The following NBAS variants were observed in gnomAD, a reference collection of about 807,000 sequenced individuals.
NBAS encodes NBAS subunit of NRZ tethering complex.
Under a neutral mutation model 302.5 loss-of-function variants are expected in NBAS, and 219 were observed. The observed-to-expected ratio is 0.72, with a 90% confidence interval of 0.65 to 0.81. The LOEUF is 0.81. NBAS is among the 30% of genes least tolerant of loss of function. NBAS has a pLI of 0.00. For synonymous variants in NBAS, 1,118 were observed against 1,021.6 expected (o/e 1.09, Z -1.80); for missense variants, 2,932 against 2,841.6 (o/e 1.03, Z -0.72).
At chr2:15,047,717 C>T in the NBAS span, among the ~76,000 whole-genome samples, 1 of 152,246 alleles carries the variant, frequency 6.6e-6, no homozygotes, top group East Asian at 1.9e-4. Flanking sequence ...TGGGCCCGTG[C>T]AAGTGCAGGC....
chr2:14,800,589 G>A, the NBAS span, among the ~76,000 whole-genome samples: 6 of 152,162 alleles, frequency 3.9e-5, no homozygotes, highest in East Asian at 1.2e-3. Context: ...TTGATTTAAG[G>A]TACATAGTAC....
intron 35 of NBAS, among the ~76,000 whole-genome samples, chr2:15,347,862 T>A (rs191258621): frequency 7.2e-5 from 11 of 152,356 alleles, no homozygotes; most frequent in African/African-American, 2.6e-4. Context: ...TAGACAAACA[T>A]CCTGTTCACA....
rs919231801 is a variant in NBAS, at chr2:15,351,905, A to C, written c.4179+87T>G. 11 of 909,926 alleles carry C rather than the reference A, an allele frequency of 1.2e-5. No individual in the cohort carries two copies. The Admixed American group carries it at 1.5e-4, about 13-fold the overall frequency. 56.4% of individuals were successfully genotyped at this position (909,926 alleles called of 1,614,324 possible). A position where few individuals can be genotyped will look rare whatever the true frequency, so the allele number is the denominator to read the frequency against. On this transcript the variant is annotated intron_variant, in intron 35 of 51. Transcript: ENST00000281513. ...ACACACACACACACACACACACACA[A>C]AACCCCTCTCATCCACAAGGTTAGG...
chr2:15,316,670 G>A (rs955601606), intron 38 of NBAS, among the ~76,000 whole-genome samples: 1 of 152,226 alleles, frequency 6.6e-6, no homozygotes, highest in Admixed American at 6.5e-5. Context: ...CCTGGCTGGG[G>A]GAGGGGTGTC....
At chr2:15,266,295 T>C (rs776909513) in intron 44 of NBAS, among the ~76,000 whole-genome samples, 21 of 152,190 alleles carry the variant, frequency 1.4e-4, no homozygotes, top group Admixed American at 2.6e-4. Flanking sequence ...CAGCAGACAT[T>C]GTTAACATTT....
the NBAS span, among the ~76,000 whole-genome samples, chr2:15,044,260 A>T: frequency 6.6e-6 from 1 of 152,190 alleles, no homozygotes; most frequent in Non-Finnish European, 1.5e-5. Context: ...CCTGATTTGC[A>T]GGTAAGTAGC....
chr2:15,405,264 C>G (rs1383760277), intron 25 of NBAS, among the ~76,000 whole-genome samples: 1 of 152,212 alleles, frequency 6.6e-6, no homozygotes, highest in East Asian at 1.9e-4. Context: ...AGATACCCTT[C>G]TCTCTCTGTA....
In NBAS at chr2:15,509,761, C is replaced by G. The variant is rs144797161; in HGVS notation, c.885+1451G>C. Reference sequence around the variant, plus strand: ...CATGTTTGATTATGTTGTGTTTCAACTTTTCTAGATTTCTTCCCTCACTGA... The same window carrying G: ...CATGTTTGATTATGTTGTGTTTCAAGTTTTCTAGATTTCTTCCCTCACTGA... On this transcript the variant is annotated intron_variant, in intron 10 of 51. Coordinates refer to ENST00000281513, the MANE Select transcript of NBAS (RefSeq NM_015909.4). 5.2e-3 allele frequency among the ~76,000 whole-genome samples: 785 copies of G among 152,288 alleles called. 9 individuals are homozygous for G. The highest frequency in any genetic ancestry group is 0.018 in the African/African-American group (759 of 41,570).
chr2:14,894,496 T>A, the NBAS span, among the ~76,000 whole-genome samples: 27 of 152,188 alleles, frequency 1.8e-4, no homozygotes, highest in African/African-American at 6.0e-4. Context: ...ATGATAGCCA[T>A]GCAAATGAAA....
the NBAS span, among the ~76,000 whole-genome samples, chr2:15,056,817 CTTTTCTTTTTT>C: frequency 2.7e-5 from 4 of 147,354 alleles, no homozygotes; most frequent in Non-Finnish European, 5.9e-5. Context: ...CCTAATTTCC[CTTTTCTTTTTT>C]TTTTCTTTTT....
rs114437625 is a variant in NBAS, at chr2:15,407,928, C to T, written c.2938-5627G>A. On this transcript the variant is annotated intron_variant, in intron 25 of 51. Transcript: ENST00000281513. ...GAACCCACTTCCTTACCTTTTCCAG[C>T]TTCTAGAGGGTGCCCACACTACTTG... Among the ~76,000 whole-genome samples, 719 of 152,262 alleles carry T rather than the reference C, an allele frequency of 4.7e-3. 9 individuals carry two copies. Among genetic ancestry groups the T allele is most frequent in the African/African-American group, 0.016 (668 of 41,540 alleles).
intron 49 of NBAS, among the ~76,000 whole-genome samples, chr2:15,189,358 C>T (rs996897297): frequency 2.3e-4 from 35 of 152,292 alleles, no homozygotes; most frequent in Non-Finnish European, 4.1e-4. Context: ...TGTTGGCAGT[C>T]CTAACTGCTC....
In NBAS at chr2:15,370,063, G is replaced by A. The variant is rs139881191; in HGVS notation, c.3704-3370C>T. 2.0e-3 allele frequency among the ~76,000 whole-genome samples: 304 copies of A among 152,294 alleles called. 5 individuals are homozygous for A. The highest frequency in any genetic ancestry group is 7.2e-3 in the African/African-American group (299 of 41,554). On this transcript the variant is annotated intron_variant, in intron 31 of 51. Transcript: ENST00000281513. ...GAGTCAAACACTTAGCTGACCAGTA[G>A]GAGGACAAGTAAGAGTTTCCTTCTT...
chr2:15,024,757 T>C, the NBAS span, among the ~76,000 whole-genome samples: 1 of 152,200 alleles, frequency 6.6e-6, no homozygotes, highest in African/African-American at 2.4e-5. Context: ...TGGTTGCATG[T>C]ATGTCTTCTT....
the NBAS span, among the ~76,000 whole-genome samples, chr2:15,119,303 C>CTTT: frequency 1.2e-3 from 134 of 107,722 alleles, no homozygotes; most frequent in Non-Finnish European, 1.8e-3. Flanking sequence ...GAAATCCTTT[C>CTTT]TTTTTTTTTT....
chr2:15,000,208 CTTTCT>C, the NBAS span, among the ~76,000 whole-genome samples: 1 of 152,184 alleles, frequency 6.6e-6, no homozygotes, highest in African/African-American at 2.4e-5. Context: ...GGGATCAAAC[CTTTCT>C]TATCAATTCC....
chr2:14,973,964 T>C, the NBAS span, among the ~76,000 whole-genome samples: 66,531 of 151,940 alleles, frequency 0.44, 16,011 homozygotes, highest in African/African-American at 0.64. Context: ...ATCTATACCG[T>C]ACAAATCATT....
At chr2:15,044,541 T>A in the NBAS span, among the ~76,000 whole-genome samples, 1 of 152,234 alleles carries the variant, frequency 6.6e-6, no homozygotes, top group Non-Finnish European at 1.5e-5. Flanking sequence ...ACAACTAGAA[T>A]GTCAGGGTTC....
rs1177927251 is a variant in NBAS, at chr2:15,395,129, TA to T, written c.3135-781del. 2.0e-5 allele frequency among the ~76,000 whole-genome samples: 3 copies of T among 152,234 alleles called. No individual in the cohort carries two copies. The East Asian group carries it at 5.8e-4, about 29-fold the overall frequency. On this transcript the variant is annotated intron_variant, in intron 27 of 51. Coordinates refer to ENST00000281513, the MANE Select transcript of NBAS (RefSeq NM_015909.4). Reference sequence around the variant, plus strand: ...GTAAATTAAGCTAAATAGTGAAACCTAAACATCATCCAGAAACCTGTAGGGT... The same window carrying T: ...GTAAATTAAGCTAAATAGTGAAACCTAACATCATCCAGAAACCTGTAGGGT...
Sources: allele counts gnomAD v4.1 joint callset (sites outside exome capture counted in the v4.1 genomes callset), GRCh38; gene constraint gnomAD v4.1.1; transcripts MANE v1.5; gene names NCBI Gene and HGNC (gene_info 2026-07-23, HGNC 2026-07-21).